Variants in SLC4A8 observed in about 807,000 individuals in gnomAD.
The protein encoded by SLC4A8 is solute carrier family 4 member 8.
Under a neutral mutation model 125.0 loss-of-function variants are expected in SLC4A8, and 40 were observed. The observed-to-expected ratio is 0.32, with a 90% CI of 0.25 to 0.42. The LOEUF (loss-of-function observed/expected upper bound fraction) is 0.42, where lower values mean the gene tolerates loss of function less well. SLC4A8 is among the 10% of genes least tolerant of loss of function. The pLI is 1.00. For synonymous variants in SLC4A8, 456 were observed against 476.0 expected, an observed-to-expected ratio of 0.96 and a Z score of 0.55; for missense variants, 863 against 1,355.1, an observed-to-expected ratio of 0.64 and a Z score of 5.70.
At chr12:51,438,802 T>A (rs1949500459) in intron 1 of SLC4A8, among the ~76,000 whole-genome samples, 1 of 152,244 alleles carries the variant, frequency 6.6e-6, no homozygotes, top group Non-Finnish European at 1.5e-5. Flanking sequence ...ATATTTTGTC[T>A]TTTTGATAAT....
intron 16 of SLC4A8, among the ~76,000 whole-genome samples, chr12:51,484,544 A>G (rs954445082): frequency 6.6e-6 from 1 of 152,218 alleles, no homozygotes; most frequent in Non-Finnish European, 1.5e-5. Flanking sequence ...TATTGCATTC[A>G]GAGAAGAACT....
At chr12:51,429,283 A>G (rs574211150) in intron 1 of SLC4A8, among the ~76,000 whole-genome samples, 6 of 152,316 alleles carry the variant, frequency 3.9e-5, no homozygotes, top group Non-Finnish European at 1.5e-5. Flanking sequence ...CATCTCTGCA[A>G]AGGATGTGCC....
intron 22 of SLC4A8, among the ~76,000 whole-genome samples, chr12:51,499,624 TACACACAC>T (rs143239328): frequency 6.6e-4 from 95 of 143,344 alleles, no homozygotes; most frequent in African/African-American, 2.1e-3. Flanking sequence ...GCTATAATTC[TACACACAC>T]ACACACACAC....
chr12:51,418,782 G>A (rs1204087905), intron 1 of SLC4A8, among the ~76,000 whole-genome samples: 2 of 152,172 alleles, frequency 1.3e-5, no homozygotes, highest in African/African-American at 2.4e-5. Flanking sequence ...AAAATAAAAG[G>A]CCTCAGGGGA....
At chr12:51,504,430 T>G (rs534373258) in intron 23 of SLC4A8, among the ~76,000 whole-genome samples, 2 of 152,378 alleles carry the variant, frequency 1.3e-5, no homozygotes, top group East Asian at 3.9e-4. Context: ...TGTACTCATA[T>G]GAATATCACT....
chr12:51,406,894 G>T (rs1230354551), intron 1 of SLC4A8, among the ~76,000 whole-genome samples: 1 of 152,252 alleles, frequency 6.6e-6, no homozygotes, highest in Non-Finnish European at 1.5e-5. Flanking sequence ...TCTCCCTGCA[G>T]AAGCCGGGCA....
intron 19 of SLC4A8, among the ~76,000 whole-genome samples, chr12:51,490,385 C>A (rs1005341029): frequency 6.6e-6 from 1 of 151,734 alleles, no homozygotes; most frequent in African/African-American, 2.4e-5. Flanking sequence ...GAAACCTCGT[C>A]TCTACTAAAA....
At chr12:51,489,180 G>A (rs1252650438) in intron 18 of SLC4A8, among the ~76,000 whole-genome samples, 1 of 152,186 alleles carries the variant, frequency 6.6e-6, no homozygotes, top group Non-Finnish European at 1.5e-5. Flanking sequence ...TTCAGGTGGG[G>A]GCCTGGGCCA....
intron 1 of SLC4A8, among the ~76,000 whole-genome samples, chr12:51,429,258 C>T (rs543705144): frequency 6.6e-6 from 1 of 152,184 alleles, no homozygotes. Flanking sequence ...TGTGGCCCTG[C>T]CAGACCCAGG....
chr12:51,500,527 A>G (rs903516008), intron 22 of SLC4A8, among the ~76,000 whole-genome samples: 8 of 152,058 alleles, frequency 5.3e-5, no homozygotes, highest in Non-Finnish European at 1.2e-4. Context: ...TTGTATCATG[A>G]TATTTTTTAA....
intron 22 of SLC4A8, among the ~76,000 whole-genome samples, chr12:51,498,587 A>T (rs1030603022): frequency 2.6e-5 from 4 of 151,270 alleles, no homozygotes; most frequent in African/African-American, 7.3e-5. Flanking sequence ...ATACACTAAA[A>T]ATAGTAATAT....
At chr12:51,420,537 A>ATT (rs2138001628), upstream of SLC4A8, among the ~76,000 whole-genome samples, 1 of 152,352 alleles carries the variant, frequency 6.6e-6, no homozygotes, top group Non-Finnish European at 1.5e-5. Flanking sequence ...GTCTATGAAC[A>ATT]CATCCTTACA....
intron 17 of SLC4A8, among the ~76,000 whole-genome samples, chr12:51,486,228 G>A (rs1202329974): frequency 3.9e-5 from 6 of 152,114 alleles, no homozygotes. Context: ...AGACACTGTG[G>A]AAACATGGGT....
At chr12:51,399,399 C>G (rs1438223855) in intron 1 of SLC4A8, among the ~76,000 whole-genome samples, 1 of 152,164 alleles carries the variant, frequency 6.6e-6, no homozygotes, top group Non-Finnish European at 1.5e-5. Context: ...TCTTTTGATT[C>G]TTTCTAGAAA....
At chr12:51,499,624 T>TACACACACACACACACAC (rs143239328) in intron 22 of SLC4A8, among the ~76,000 whole-genome samples, 115 of 143,338 alleles carry the variant, frequency 8.0e-4, no homozygotes, top group South Asian at 2.1e-3. Context: ...GCTATAATTC[T>TACACACACACACACACAC]ACACACACAC....
chr12:51,507,052 C>G (rs1025366896), intron 24 of SLC4A8, among the ~76,000 whole-genome samples: 1 of 152,110 alleles, frequency 6.6e-6, no homozygotes, highest in Admixed American at 6.5e-5. Context: ...GTTCAGTTTA[C>G]TCAGCAGGAA....
chr12:51,437,411 C>T (rs1211616113), intron 1 of SLC4A8, among the ~76,000 whole-genome samples: 1 of 152,176 alleles, frequency 6.6e-6, no homozygotes, highest in Non-Finnish European at 1.5e-5. Context: ...GTCATGGAGG[C>T]AGATGCCTCA....
intron 3 of SLC4A8, among the ~76,000 whole-genome samples, 190 bp downstream of exon 3, chr12:51,451,212 G>A (rs1032137547): frequency 6.6e-6 from 1 of 152,126 alleles, no homozygotes; most frequent in Non-Finnish European, 1.5e-5. Context: ...AGTTCCGGGC[G>A]GCTGGGACTA....
chr12:51,407,542 CAT>C (rs2137956250), intron 1 of SLC4A8, among the ~76,000 whole-genome samples: 1 of 152,100 alleles, frequency 6.6e-6, no homozygotes, highest in African/African-American at 2.4e-5. Flanking sequence ...GAGCTGGAAT[CAT>C]AGGTGTGAGC....
Sources: gnomAD v4.1 joint callset for allele counts (sites outside exome capture counted in the v4.1 genomes callset) on GRCh38, gnomAD v4.1.1 for gene constraint, MANE v1.5 for transcripts, NCBI Gene and HGNC (gene_info 2026-07-23, HGNC 2026-07-21) for gene names.